The following DPP10 variants were observed in gnomAD, a reference collection of about 807,000 sequenced individuals.
The protein encoded by DPP10 is dipeptidyl peptidase like 10, also known as inactive dipeptidyl peptidase 10.
Under a neutral mutation model 120.9 loss-of-function variants are expected in DPP10, and 33 were observed. The ratio of observed to expected loss-of-function variants is 0.27; its 90% CI spans 0.21 to 0.37. The LOEUF (loss-of-function observed/expected upper bound fraction) is 0.37, where lower values mean the gene tolerates loss of function less well. Ranked by LOEUF, DPP10 falls within the 10% of genes least tolerant of loss-of-function variation. DPP10 has a pLI of 1.00. For missense variants in DPP10, 816 were observed against 942.8 expected, an observed-to-expected ratio of 0.87 and a Z score of 1.76; for synonymous variants, 337 against 326.1, an observed-to-expected ratio of 1.03 and a Z score of -0.36.
chr2:114,520,522 G>C (rs183968774), intron 1 of DPP10, among the ~76,000 whole-genome samples: 2 of 152,238 alleles, frequency 1.3e-5, no homozygotes, highest in Admixed American at 1.3e-4. Context: ...GCAAATAAAT[G>C]GAAAGGCAAA....
At chr2:115,425,080 CA>C (rs2070332191) in intron 3 of DPP10, among the ~76,000 whole-genome samples, 1 of 152,094 alleles carries the variant, frequency 6.6e-6, no homozygotes. Context: ...TGAACAAGTT[CA>C]TAAAAAGGAA....
intron 7 of DPP10, among the ~76,000 whole-genome samples, chr2:115,724,787 C>T (rs534469583): frequency 5.3e-5 from 8 of 152,314 alleles, no homozygotes; most frequent in South Asian, 2.1e-4. Context: ...GCATGGCATA[C>T]ACATCTGCTC....
rs184087691 is a variant in DPP10, at chr2:114,834,967, A to G, written c.60+392129A>G. 8.9e-5 allele frequency among the ~76,000 whole-genome samples: 13 copies of G among 146,470 alleles called. 1 individual carries two copies. The highest frequency in any genetic ancestry group is 3.1e-4 in the African/African-American group (12 of 38,198). ...CTATGTATATATAAGCCATATCTACACACCTATGTATATAAAAGACATATC... is the reference window on the plus strand; with the variant it reads ...CTATGTATATATAAGCCATATCTACGCACCTATGTATATAAAAGACATATC... On this transcript the variant is annotated intron_variant, in intron 1 of 25. Transcript: ENST00000410059.
chr2:115,693,188 A>G (rs893489505), intron 7 of DPP10, among the ~76,000 whole-genome samples: 2 of 152,170 alleles, frequency 1.3e-5, no homozygotes, highest in African/African-American at 4.8e-5. Context: ...CCATCACAGA[A>G]CTCTCTGTAA....
chr2:114,856,526 TC>T (rs1689381875), intron 1 of DPP10, among the ~76,000 whole-genome samples: 1 of 152,142 alleles, frequency 6.6e-6, no homozygotes, highest in South Asian at 2.1e-4. Context: ...ATTATAAATA[TC>T]CATTTAAAAT....
chr2:115,094,556 G>A (rs1345195850), intron 1 of DPP10, among the ~76,000 whole-genome samples: 1 of 152,112 alleles, frequency 6.6e-6, no homozygotes, highest in East Asian at 1.9e-4. Flanking sequence ...AGATTCTGTT[G>A]GGTTACGAGC....
chr2:115,554,115 A>G (rs1352733956), intron 5 of DPP10, among the ~76,000 whole-genome samples: 1 of 151,618 alleles, frequency 6.6e-6, no homozygotes. Context: ...TGATTACTAA[A>G]GTGTCTACTC....
intron 1 of DPP10, among the ~76,000 whole-genome samples, chr2:114,452,969 C>G (rs1678370905): frequency 6.6e-6 from 1 of 152,080 alleles, no homozygotes; most frequent in South Asian, 2.1e-4. Context: ...TACCCCACAA[C>G]TCTTGTTGGT....
At chr2:115,040,494 G>A (rs1192243996) in intron 1 of DPP10, among the ~76,000 whole-genome samples, 1 of 151,908 alleles carries the variant, frequency 6.6e-6, no homozygotes, top group Admixed American at 6.6e-5. Context: ...GAGGAAAGAA[G>A]AAGGACTTTA....
chr2:115,521,672 T>C (rs2077821363), intron 4 of DPP10, among the ~76,000 whole-genome samples: 1 of 151,984 alleles, frequency 6.6e-6, no homozygotes, highest in Admixed American at 6.6e-5. Context: ...TTGCCTCTGC[T>C]TCTTCCTTAA....
chr2:114,563,765 A>G (rs1017249503), intron 1 of DPP10, among the ~76,000 whole-genome samples: 20 of 152,284 alleles, frequency 1.3e-4, no homozygotes, highest in African/African-American at 4.8e-4. Flanking sequence ...GGAGGCCAGA[A>G]GCTAAACAAG....
At chr2:115,044,497 A>T (rs192191316) in intron 1 of DPP10, among the ~76,000 whole-genome samples, 1 of 152,080 alleles carries the variant, frequency 6.6e-6, no homozygotes, top group Non-Finnish European at 1.5e-5. Context: ...TATATCACCT[A>T]ATGCTAACCA....
chr2:114,649,334 T>C (rs897880273), intron 1 of DPP10, among the ~76,000 whole-genome samples: 29 of 149,280 alleles, frequency 1.9e-4, no homozygotes, highest in Non-Finnish European at 1.6e-4. Context: ...TGGTATGTAA[T>C]GGATCCTGAG....
chr2:115,359,435 T>C (rs938624967), intron 3 of DPP10, among the ~76,000 whole-genome samples: 3 of 152,196 alleles, frequency 2.0e-5, no homozygotes, highest in Admixed American at 1.3e-4. Flanking sequence ...TTTAATGATA[T>C]GAAAATAGAC....
At chr2:115,600,922 C>A (rs2083284546) in intron 5 of DPP10, among the ~76,000 whole-genome samples, 1 of 152,166 alleles carries the variant, frequency 6.6e-6, no homozygotes, top group African/African-American at 2.4e-5. Context: ...TTCCCTCCTC[C>A]TCTTTGTGTA....
intron 1 of DPP10, among the ~76,000 whole-genome samples, chr2:114,690,845 C>A (rs1174118275): frequency 2.0e-5 from 3 of 152,008 alleles, no homozygotes; most frequent in African/African-American, 2.4e-5. Context: ...AATGGGAGTT[C>A]ATTCATGATT....
intron 1 of DPP10, among the ~76,000 whole-genome samples, chr2:114,722,384 A>T (rs1701752463): frequency 1.3e-5 from 2 of 152,148 alleles, no homozygotes. Context: ...GAGATGGAAA[A>T]TATCATTCTT....
At chr2:115,428,321 C>T (rs1394915059) in intron 3 of DPP10, among the ~76,000 whole-genome samples, 1 of 152,150 alleles carries the variant, frequency 6.6e-6, no homozygotes, top group Admixed American at 6.5e-5. Context: ...TGCCCTATGC[C>T]TTGGTACCAA....
chr2:114,917,072 A>T (rs1391811943), intron 1 of DPP10, among the ~76,000 whole-genome samples: 1 of 152,258 alleles, frequency 6.6e-6, no homozygotes, highest in Non-Finnish European at 1.5e-5. Flanking sequence ...ACTAATTTCC[A>T]TAGTCTCTGC....
Sources: allele counts gnomAD v4.1 joint callset (sites outside exome capture counted in the v4.1 genomes callset), GRCh38; gene constraint gnomAD v4.1.1; transcripts MANE v1.5; gene names NCBI Gene and HGNC (gene_info 2026-07-23, HGNC 2026-07-21).